The following ADGRL2 variants were observed in gnomAD, a reference collection of about 807,000 sequenced individuals.
The protein encoded by ADGRL2 is calcium-independent alpha-latrotoxin receptor 2.
In ADGRL2, 44 loss-of-function variants were observed where a neutral mutation model predicts 157.4. The observed-to-expected ratio is 0.28, with a 90% CI of 0.22 to 0.36. ADGRL2 has a LOEUF of 0.36. ADGRL2 is among the 10% of genes least tolerant of loss of function. The pLI, the probability that ADGRL2 is intolerant of heterozygous loss-of-function variation, is 1.00. For missense variants in ADGRL2, 1,510 were observed against 1,768.9 expected (o/e 0.85, Z 2.63); for synonymous variants, 585 against 624.7 (o/e 0.94, Z 0.95).
At chr1:81,512,720 A>G (rs1008894400) in intron 2 of ADGRL2, among the ~76,000 whole-genome samples, 3 of 152,182 alleles carry the variant, frequency 2.0e-5, no homozygotes, top group Admixed American at 1.3e-4. Context: ...CTGTGAGTAC[A>G]TATCAAGGTT....
chr1:81,460,644 G>C (rs2077906553), intron 2 of ADGRL2, among the ~76,000 whole-genome samples: 1 of 152,112 alleles, frequency 6.6e-6, no homozygotes, highest in Non-Finnish European at 1.5e-5. Context: ...TATATTTACT[G>C]TTTCCCCATT....
chr1:81,740,480 T>G (rs2149219472), intron 1 of ADGRL2, among the ~76,000 whole-genome samples: 1 of 152,372 alleles, frequency 6.6e-6, no homozygotes, highest in Admixed American at 6.5e-5. Flanking sequence ...TTTGTGAAGC[T>G]AAGTTTAACT....
intron 1 of ADGRL2, among the ~76,000 whole-genome samples, chr1:81,375,058 T>C (rs1469048533): frequency 6.6e-6 from 1 of 152,216 alleles, no homozygotes; most frequent in African/African-American, 2.4e-5. Flanking sequence ...CATGGAGTGT[T>C]GTTCCAGACA....
At chr1:81,808,504 A>G (rs1193005009) in intron 1 of ADGRL2, among the ~76,000 whole-genome samples, 4 of 151,996 alleles carry the variant, frequency 2.6e-5, no homozygotes, top group Non-Finnish European at 4.4e-5. Context: ...ATTGCATGAC[A>G]TACGAGAAAC....
At chr1:81,882,217 A>C (rs114056603) in intron 2 of ADGRL2, among the ~76,000 whole-genome samples, 2,479 of 152,216 alleles carry the variant, frequency 0.016, 60 homozygotes, top group African/African-American at 0.056. Flanking sequence ...CCCTTTCTTA[A>C]TTGTTTGAAG....
intron 1 of ADGRL2, among the ~76,000 whole-genome samples, chr1:81,439,237 A>T (rs1469941792): frequency 6.6e-6 from 1 of 152,098 alleles, no homozygotes; most frequent in Non-Finnish European, 1.5e-5. Flanking sequence ...TAGGGTTTCT[A>T]TCTTATTAAG....
intron 3 of ADGRL2, among the ~76,000 whole-genome samples, chr1:81,680,299 T>C (rs2083083592): frequency 6.6e-6 from 1 of 152,220 alleles, no homozygotes; most frequent in Non-Finnish European, 1.5e-5. Context: ...AATGAAAACT[T>C]AAATCTCTTC....
At chr1:81,916,626 A>G (rs1054859584) in intron 3 of ADGRL2, among the ~76,000 whole-genome samples, 1 of 152,138 alleles carries the variant, frequency 6.6e-6, no homozygotes. Flanking sequence ...AGTATGCTGT[A>G]AAATTTCCTA....
At chr1:81,336,345 AT>A (rs1661643688) in intron 1 of ADGRL2, among the ~76,000 whole-genome samples, 2 of 152,194 alleles carry the variant, frequency 1.3e-5, no homozygotes, top group Non-Finnish European at 2.9e-5. Context: ...ACAGTAGCCC[AT>A]TTTAACCCTC....
intron 6 of ADGRL2, among the ~76,000 whole-genome samples, chr1:81,945,831 A>C (rs947735060): frequency 6.6e-6 from 1 of 151,656 alleles, no homozygotes; most frequent in African/African-American, 2.4e-5. Flanking sequence ...GTATTATCTG[A>C]CCTAAATTTC....
At chr1:81,908,480 T>G (rs1017414077) in intron 3 of ADGRL2, among the ~76,000 whole-genome samples, 1 of 152,210 alleles carries the variant, frequency 6.6e-6, no homozygotes, top group African/African-American at 2.4e-5. Flanking sequence ...TAGACACAGT[T>G]GATCCATGCA....
intron 2 of ADGRL2, among the ~76,000 whole-genome samples, chr1:81,898,655 G>A (rs1378851896): frequency 3.3e-5 from 5 of 152,132 alleles, no homozygotes; most frequent in Admixed American, 3.3e-4. Context: ...TTTAAAAATT[G>A]TGCTTAGTTG....
chr1:81,404,096 G>T (rs935193895), intron 1 of ADGRL2, among the ~76,000 whole-genome samples: 11 of 152,038 alleles, frequency 7.2e-5, no homozygotes, highest in African/African-American at 2.7e-4. Context: ...TCACCCGGGC[G>T]TCTTTGATTT....
intron 1 of ADGRL2, among the ~76,000 whole-genome samples, chr1:81,702,451 C>A (rs1294105805): frequency 1.3e-5 from 2 of 152,142 alleles, no homozygotes; most frequent in Admixed American, 1.3e-4. Flanking sequence ...TGCTACATAT[C>A]ACAAGTATGC....
intron 1 of ADGRL2, among the ~76,000 whole-genome samples, chr1:81,410,035 ATATC>A (rs1342523770): frequency 6.6e-6 from 1 of 152,226 alleles, no homozygotes; most frequent in Non-Finnish European, 1.5e-5. Flanking sequence ...GAAACTCTGA[ATATC>A]AGCACGTTCC....
chr1:81,415,098 A>T (rs768408639), intron 1 of ADGRL2, among the ~76,000 whole-genome samples: 11 of 152,254 alleles, frequency 7.2e-5, no homozygotes, highest in Admixed American at 6.5e-5. Flanking sequence ...CACAAGGGAT[A>T]TAGCTTTTAT....
chr1:81,310,039 T>C (rs1659635877), intron 1 of ADGRL2, among the ~76,000 whole-genome samples: 1 of 152,180 alleles, frequency 6.6e-6, no homozygotes, highest in African/African-American at 2.4e-5. Flanking sequence ...TGGGTAGTAG[T>C]GGCTCTTTTC....
chr1:81,699,237 A>G (rs1404582058), upstream of ADGRL2, among the ~76,000 whole-genome samples: 1 of 152,230 alleles, frequency 6.6e-6, no homozygotes, highest in South Asian at 2.1e-4. Context: ...TTAAGACAGG[A>G]ACATAAAAAG....
intron 2 of ADGRL2, among the ~76,000 whole-genome samples, chr1:81,473,272 T>C (rs549792214): frequency 6.6e-6 from 1 of 152,332 alleles, no homozygotes; most frequent in African/African-American, 2.4e-5. Flanking sequence ...AAAGTAACTG[T>C]TATCCCACTT....
Sources: gnomAD v4.1 joint callset for allele counts (sites outside exome capture counted in the v4.1 genomes callset) on GRCh38, gnomAD v4.1.1 for gene constraint, MANE v1.5 for transcripts, NCBI Gene and HGNC (gene_info 2026-07-23, HGNC 2026-07-21) for gene names.